The following SEMA3A variants were observed in gnomAD, a reference collection of about 807,000 sequenced individuals.
SEMA3A encodes the protein semaphorin-3A.
A neutral mutation model predicts 97.9 loss-of-function variants in SEMA3A; 29 were observed. That is an observed-to-expected ratio of 0.30 (90% confidence interval 0.22 to 0.40). The LOEUF is 0.40. SEMA3A is among the 10% of genes least tolerant of loss of function. SEMA3A has a pLI of 1.00. For missense variants in SEMA3A, 763 were observed against 951.3 expected, an observed-to-expected ratio of 0.80 and a Z score of 2.60; for synonymous variants, 321 against 323.7, an observed-to-expected ratio of 0.99 and a Z score of 0.09.
At chr7:84,279,096 G>A (rs925069410) in intron 3 of SEMA3A, among the ~76,000 whole-genome samples, 1 of 152,058 alleles carries the variant, frequency 6.6e-6, no homozygotes, top group African/African-American at 2.4e-5. Flanking sequence ...ATTATCAACT[G>A]TTTATAAAAT....
Position 84,287,372 on chromosome 7 carries a change from A to C in SEMA3A, c.-83+19835T>G, listed in dbSNP as rs1043765812. On this transcript the variant is annotated intron_variant, in intron 3 of 3. Transcript: ENST00000424555. ...TTTTCCTTACTCTTAAGGCAATTAA[A>C]AAAATTTTTAGTATATTCCATTTGC... Among the ~76,000 whole-genome samples the C allele has an allele frequency of 1.3e-4, 20 of 152,234 alleles. No individual in the cohort carries two copies. In the South Asian group the frequency reaches 3.1e-3, roughly 24 times the overall value.
intron 1 of SEMA3A, among the ~76,000 whole-genome samples, chr7:84,137,416 A>AAAG (rs1796170833): frequency 6.6e-6 from 1 of 151,332 alleles, no homozygotes; most frequent in Non-Finnish European, 1.5e-5. Flanking sequence ...AAAAAAAAAA[A>AAAG]AGAAATGGCA....
intron 15 of SEMA3A, among the ~76,000 whole-genome samples, chr7:83,965,046 A>T (rs1288280329): frequency 6.6e-6 from 1 of 151,858 alleles, no homozygotes; most frequent in Non-Finnish European, 1.5e-5. Flanking sequence ...AGTTAATGCT[A>T]TTTACATTGA....
chr7:84,150,532 C>T (rs1562815015), intron 1 of SEMA3A, among the ~76,000 whole-genome samples: 1 of 152,104 alleles, frequency 6.6e-6, no homozygotes, highest in East Asian at 1.9e-4. Context: ...GCTTTTCCGA[C>T]GGGCTTAAAA....
At chr7:83,967,952 C>T (rs1788770511) in intron 15 of SEMA3A, among the ~76,000 whole-genome samples, 1 of 152,122 alleles carries the variant, frequency 6.6e-6, no homozygotes, top group East Asian at 1.9e-4. Flanking sequence ...GTAAAATCCT[C>T]TAGCTATTTT....
chr7:84,121,274 A>G (rs1795605604), intron 3 of SEMA3A, among the ~76,000 whole-genome samples: 1 of 152,128 alleles, frequency 6.6e-6, no homozygotes, highest in South Asian at 2.1e-4. Flanking sequence ...GGTTTGTTAC[A>G]TATGTATACA....
intron 12 of SEMA3A, among the ~76,000 whole-genome samples, chr7:83,994,904 C>A (rs1001910659): frequency 6.6e-6 from 1 of 152,060 alleles, no homozygotes; most frequent in East Asian, 1.9e-4. Context: ...GGCGGGCACC[C>A]CTCCCCCAGC....
At chr7:84,110,346 G>C in intron 4 of SEMA3A, 124 bp downstream of exon 4, 1 of 998,714 alleles carries the variant, frequency 1.0e-6, no homozygotes, top group Non-Finnish European at 1.5e-6. Context: ...AACAGCATCT[G>C]AGTTTGAAGT....
At chr7:84,297,222 C>T (rs548513387) in intron 3 of SEMA3A, among the ~76,000 whole-genome samples, 9 of 152,238 alleles carry the variant, frequency 5.9e-5, no homozygotes, top group Non-Finnish European at 1.3e-4. Context: ...GGTGATCTGC[C>T]GGCCTTGGCC....
intron 4 of SEMA3A, among the ~76,000 whole-genome samples, chr7:84,094,965 A>T (rs1458095860): frequency 6.6e-6 from 1 of 151,646 alleles, no homozygotes; most frequent in African/African-American, 2.4e-5. Flanking sequence ...CATTAATTAT[A>T]TTGTTTATAT....
At chr7:84,109,782 A>C (rs1044687937) in intron 4 of SEMA3A, among the ~76,000 whole-genome samples, 22 of 152,224 alleles carry the variant, frequency 1.4e-4, no homozygotes, top group African/African-American at 5.1e-4. Flanking sequence ...TGTGCCAAAA[A>C]TTACAAGAGG....
chr7:84,235,843 T>G (rs1232519472), intron 3 of SEMA3A, among the ~76,000 whole-genome samples: 1 of 152,104 alleles, frequency 6.6e-6, no homozygotes, highest in East Asian at 1.9e-4. Flanking sequence ...CCATTGCATC[T>G]CAAGCTCTTT....
chr7:83,962,385 C>T (rs1788508991), intron 16 of SEMA3A, among the ~76,000 whole-genome samples: 3 of 151,990 alleles, frequency 2.0e-5, no homozygotes, highest in Admixed American at 1.3e-4. Context: ...ATTTTGAATA[C>T]AGTTTACAAT....
intron 4 of SEMA3A, among the ~76,000 whole-genome samples, chr7:84,066,152 A>C (rs1275219234): frequency 1.4e-3 from 206 of 150,702 alleles, no homozygotes; most frequent in African/African-American, 4.9e-3. Context: ...GCATATAAAC[A>C]GAGCCAAAGA....
chr7:83,981,425 C>G lies in SEMA3A; in HGVS notation c.1548G>C (p.Arg516=). The change falls in exon 14 of 17, where the codon CGG becomes CGC. Residue 516 remains arginine, a synonymous_variant. Coordinates refer to ENST00000265362, the MANE Select transcript of SEMA3A (RefSeq NM_006080.3). ...TAGVAQLPLH[R]CDIYGKACAE... is the part of the protein sequence containing the mutation. ...CACACGCTTTCCCGTAAATATCACA[C>G]CGGTGTAAAGGGAGCTGGGCAACCC... 1.2e-6 allele frequency: 2 copies of G among 1,613,728 alleles called. No individual in the cohort carries two copies. The highest frequency in any genetic ancestry group is 1.7e-6 in the Non-Finnish European group (2 of 1,179,804).
At chr7:84,000,961 A>C (rs1356909819) in intron 12 of SEMA3A, among the ~76,000 whole-genome samples, 1 of 152,114 alleles carries the variant, frequency 6.6e-6, no homozygotes, top group South Asian at 2.1e-4. Context: ...TATTCATTTT[A>C]TAGGTAAACT....
intron 1 of SEMA3A, among the ~76,000 whole-genome samples, chr7:84,377,398 A>G (rs1387577743): frequency 6.6e-6 from 1 of 152,168 alleles, no homozygotes; most frequent in African/African-American, 2.4e-5. Context: ...TAATGTTGAT[A>G]ATCAGTTGGC....
intron 1 of SEMA3A, among the ~76,000 whole-genome samples, chr7:84,393,389 C>A (rs1803638428): frequency 6.6e-6 from 1 of 152,024 alleles, no homozygotes; most frequent in Admixed American, 6.6e-5. Flanking sequence ...ATAGCCAAAG[C>A]AATCATGAGC....
In SEMA3A at chr7:84,052,962, C is replaced by T. The variant is rs1230966403; in HGVS notation, c.548-6519G>A. Among the ~76,000 whole-genome samples the T allele has an allele frequency of 1.3e-4, 20 of 151,210 alleles. No individual in the cohort carries two copies. In the East Asian group the frequency reaches 2.7e-3, roughly 21 times the overall value. On this transcript the variant is annotated intron_variant, in intron 5 of 16. Coordinates refer to ENST00000265362, the MANE Select transcript of SEMA3A (RefSeq NM_006080.3). ...AACATCTTTATTTCTGCCTTCATTT[C>T]GTTATGTACCCAGTAGTCATTCAGG...
Sources: gnomAD v4.1 joint callset for allele counts (sites outside exome capture counted in the v4.1 genomes callset) on GRCh38, gnomAD v4.1.1 for gene constraint, MANE v1.5 for transcripts, NCBI Gene and HGNC (gene_info 2026-07-23, HGNC 2026-07-21) for gene names.